Variants in RANBP2 observed in about 807,000 individuals in gnomAD.
The protein encoded by RANBP2 is E3 SUMO-protein ligase RanBP2.
RANBP2 carries 57 observed loss-of-function variants against 303.6 expected under a neutral mutation model. That is an observed-to-expected ratio of 0.19 (90% CI 0.15 to 0.23). The LOEUF is 0.23. Among genes scored for constraint, RANBP2 ranks in the 10% least tolerant of loss-of-function variants. RANBP2 has a pLI of 1.00. For synonymous variants in RANBP2, 1,167 were observed against 1,301.5 expected, an observed-to-expected ratio of 0.90 and a Z score of 2.23; for missense variants, 3,138 against 3,780.8, an observed-to-expected ratio of 0.83 and a Z score of 4.46.
At chr2:108,864,036 CAT>C in the RANBP2 span, among the ~76,000 whole-genome samples, 725 of 152,184 alleles carry the variant, frequency 4.8e-3, 7 homozygotes, top group South Asian at 0.023. Flanking sequence ...TGGTCTTTCT[CAT>C]GTGTAACACT....
the RANBP2 span, among the ~76,000 whole-genome samples, chr2:108,912,525 G>A: frequency 1.3e-5 from 2 of 152,150 alleles, no homozygotes; most frequent in African/African-American, 2.4e-5. Context: ...TTCCTGCACG[G>A]GGGGCAACAT....
At chr2:108,869,884 G>A in the RANBP2 span, among the ~76,000 whole-genome samples, 4 of 152,202 alleles carry the variant, frequency 2.6e-5, no homozygotes, top group East Asian at 5.8e-4. Context: ...AAAAAAAATC[G>A]TAGAACACGC....
At chr2:109,598,038 C>T in the RANBP2 span, among the ~76,000 whole-genome samples, 1 of 152,118 alleles carries the variant, frequency 6.6e-6, no homozygotes, top group Non-Finnish European at 1.5e-5. Context: ...AAACAGAATC[C>T]TGACTTAGCT....
the RANBP2 span, among the ~76,000 whole-genome samples, chr2:109,217,665 C>G: frequency 2.6e-5 from 4 of 152,254 alleles, no homozygotes; most frequent in Non-Finnish European, 5.9e-5. Context: ...TGAGGAAGCT[C>G]TCTCACCGGC....
At chr2:109,736,224 G>GT in the RANBP2 span, among the ~76,000 whole-genome samples, 1 of 152,116 alleles carries the variant, frequency 6.6e-6, no homozygotes, top group Non-Finnish European at 1.5e-5. Context: ...CCCTTCTGTG[G>GT]TTCTCTAGCC....
At chr2:109,437,074 C>A in the RANBP2 span, 1 of 1,613,734 alleles carries the variant, frequency 6.2e-7, no homozygotes, top group Non-Finnish European at 8.5e-7. Context: ...CACAGCCTCG[C>A]CCCCAACAGG....
At chr2:109,474,717 C>A in the RANBP2 span, among the ~76,000 whole-genome samples, 283 of 152,332 alleles carry the variant, frequency 1.9e-3, 1 homozygote, top group Admixed American at 2.9e-3. Context: ...TACTTCACCA[C>A]CATCACAGGA....
At chr2:109,188,461 A>G in the RANBP2 span, among the ~76,000 whole-genome samples, 5 of 152,238 alleles carry the variant, frequency 3.3e-5, no homozygotes, top group East Asian at 9.7e-4. Context: ...AAGCATGCGC[A>G]TTGTTTCCCC....
chr2:109,291,302 T>C, the RANBP2 span, among the ~76,000 whole-genome samples: 1 of 151,066 alleles, frequency 6.6e-6, no homozygotes, highest in African/African-American at 2.4e-5. Flanking sequence ...TTTTTTGCAT[T>C]ATGCTTGAAG....
chr2:109,772,814 A>G, the RANBP2 span, among the ~76,000 whole-genome samples: 3 of 142,738 alleles, frequency 2.1e-5, no homozygotes, highest in Non-Finnish European at 4.5e-5. Context: ...AGGGCTGACT[A>G]GCCTGGGCTG....
the RANBP2 span, among the ~76,000 whole-genome samples, chr2:108,836,293 A>G: frequency 2.0e-5 from 3 of 152,228 alleles, no homozygotes; most frequent in Non-Finnish European, 2.9e-5. Flanking sequence ...TTCACTTAGC[A>G]TAATATCCAT....
chr2:109,194,758 T>C, the RANBP2 span, among the ~76,000 whole-genome samples: 1 of 152,212 alleles, frequency 6.6e-6, no homozygotes, highest in African/African-American at 2.4e-5. Flanking sequence ...CAATCCTGAA[T>C]GCTCAAGCTC....
the RANBP2 span, chr2:108,856,740 G>C: frequency 6.5e-7 from 1 of 1,539,504 alleles, no homozygotes; most frequent in Non-Finnish European, 8.8e-7. Context: ...TTCTGTTTCT[G>C]ATTGACACCT....
At chr2:109,191,244 G>A in the RANBP2 span, among the ~76,000 whole-genome samples, 21 of 152,104 alleles carry the variant, frequency 1.4e-4, no homozygotes, top group African/African-American at 4.8e-4. Flanking sequence ...AAAAGTGGAC[G>A]GGAAGGTTGT....
the RANBP2 span, among the ~76,000 whole-genome samples, chr2:109,170,820 GT>G: frequency 2.0e-5 from 3 of 152,212 alleles, no homozygotes; most frequent in Non-Finnish European, 4.4e-5. Context: ...ACAGGGCATA[GT>G]TTACCTGTGA....
chr2:109,545,405 G>A, the RANBP2 span: 31 of 1,535,448 alleles, frequency 2.0e-5, no homozygotes, highest in African/African-American at 4.1e-5. Flanking sequence ...CACGCCTTGC[G>A]ATTATCATCC....
the RANBP2 span, among the ~76,000 whole-genome samples, chr2:109,257,900 G>A: frequency 0.11 from 17,078 of 152,098 alleles, 1,533 homozygotes; most frequent in East Asian, 0.32. Flanking sequence ...TGACACCAGG[G>A]CCAGGGCTGT....
At chr2:109,605,592 TC>T in the RANBP2 span, 1 of 152,198 alleles carries the variant, frequency 6.6e-6, no homozygotes, top group Non-Finnish European at 1.5e-5. Flanking sequence ...AAAAAGCTAA[TC>T]AGAATACCTG....
At chr2:109,673,191 C>A in the RANBP2 span, among the ~76,000 whole-genome samples, 6 of 152,122 alleles carry the variant, frequency 3.9e-5, no homozygotes, top group Admixed American at 3.3e-4. Context: ...AGCTGTGGAG[C>A]CTAACTCTAT....
Sources: gnomAD v4.1 joint callset for allele counts (sites outside exome capture counted in the v4.1 genomes callset) on GRCh38, gnomAD v4.1.1 for gene constraint, MANE v1.5 for transcripts, NCBI Gene and HGNC (gene_info 2026-07-23, HGNC 2026-07-21) for gene names.